PGBD5: variants seen among roughly 807,000 people sequenced by gnomAD.
PGBD5 encodes the protein piggyBac transposable element derived 5, also known as piggyBac transposable element-derived protein 5.
In PGBD5, 14 loss-of-function variants were observed where a neutral mutation model predicts 47.9. The observed-to-expected ratio is 0.29, with a 90% CI of 0.19 to 0.46. The LOEUF is 0.46. Ranked by LOEUF, PGBD5 falls within the 20% of genes least tolerant of loss-of-function variation. The pLI is 1.00. For synonymous variants in PGBD5, 316 were observed against 306.3 expected (o/e 1.03, Z -0.33); for missense variants, 635 against 716.0 (o/e 0.89, Z 1.29).
At chr1:230,333,113 ACC>A in intron 4 of PGBD5, 72 bp from the exon 5 acceptor site, 5 of 1,483,922 alleles carry the variant, frequency 3.4e-6, no homozygotes, top group Non-Finnish European at 4.6e-6. Context: ...CGCCCTGGGC[ACC>A]CCCAAGGAAA....
intron 1 of PGBD5, among the ~76,000 whole-genome samples, chr1:230,391,936 C>A (rs537007609): frequency 2.6e-5 from 4 of 152,250 alleles, no homozygotes; most frequent in East Asian, 1.9e-4. Flanking sequence ...CCCTTCTCCC[C>A]CAAAGGGAGC....
chr1:230,388,403 C>G (rs1274315593), intron 1 of PGBD5, among the ~76,000 whole-genome samples: 17 of 151,822 alleles, frequency 1.1e-4, no homozygotes, highest in Admixed American at 1.1e-3. Context: ...GCCACTTCCC[C>G]TTGTTGGCCA....
At chr1:230,375,107 C>G (rs1293226847) in intron 1 of PGBD5, among the ~76,000 whole-genome samples, 2 of 152,194 alleles carry the variant, frequency 1.3e-5, no homozygotes, top group Non-Finnish European at 2.9e-5. Flanking sequence ...AGAAAGCAGA[C>G]AAGCAAAAGC....
chr1:230,399,486 C>T (rs1657081857), intron 1 of PGBD5, among the ~76,000 whole-genome samples: 1 of 152,198 alleles, frequency 6.6e-6, no homozygotes, highest in Non-Finnish European at 1.5e-5. Context: ...TTCCAAAACC[C>T]TCCCATGGGT....
At chr1:230,364,179 G>A (rs149859293) in intron 1 of PGBD5, among the ~76,000 whole-genome samples, 1,917 of 152,320 alleles carry the variant, frequency 0.013, 22 homozygotes, top group Non-Finnish European at 0.017. Context: ...GGGTACTCCC[G>A]TGGGGGTAGG....
intron 1 of PGBD5, among the ~76,000 whole-genome samples, chr1:230,397,919 C>T (rs768296967): frequency 1.3e-5 from 2 of 152,236 alleles, no homozygotes; most frequent in South Asian, 2.1e-4. Flanking sequence ...GGCACAGACT[C>T]CTCTTGCTCA....
rs1013954732 is a variant in PGBD5 at position 230,317,832 on chromosome 1, A to C, written c.*5593T>G. 3 of 152,224 alleles carry C rather than the reference A, an allele frequency of 2.0e-5. No homozygotes were observed. The highest frequency in any genetic ancestry group is 4.4e-5 in the Non-Finnish European group (3 of 68,054). 9.4% of individuals were successfully genotyped at this position (152,224 alleles called of 1,614,324 possible). A position where few individuals can be genotyped will look rare whatever the true frequency, so the allele number is the denominator to read the frequency against. ...ACAAGGTCAAGCTTCCAGGCAACTAAGGAAAAAACCTGAAGAATAGTATCT... is the reference window on the plus strand; with the variant it reads ...ACAAGGTCAAGCTTCCAGGCAACTACGGAAAAAACCTGAAGAATAGTATCT... On this transcript the variant is annotated 3_prime_UTR_variant, in exon 7 of 7. Coordinates refer to ENST00000391860, the MANE Select transcript of PGBD5 (RefSeq NM_001258311.2).
At position 230,357,779 on chromosome 1, in the gene PGBD5, C is replaced by T. The variant is rs1667677442; in HGVS notation, c.332-458G>A. ...TCTTAACTAGAGATGTACACACACA[C>T]ATAAATGTATATGTTTAAATATATA... On this transcript the variant is annotated intron_variant, in intron 1 of 6. Coordinates refer to ENST00000391860, the MANE Select transcript of PGBD5 (RefSeq NM_001258311.2). The surrounding 1 kb of genome is among the most constrained non-coding windows in gnomAD (Gnocchi z 5.7). Among the ~76,000 whole-genome samples, 1 of 152,136 alleles carries T rather than the reference C, an allele frequency of 6.6e-6. No individual in the cohort carries two copies. Among genetic ancestry groups the T allele is most frequent in the South Asian group, 2.1e-4 (1 of 4,826 alleles).
intron 2 of PGBD5, among the ~76,000 whole-genome samples, chr1:230,353,184 C>T (rs1226790103): frequency 1.3e-5 from 2 of 152,128 alleles, no homozygotes; most frequent in African/African-American, 4.8e-5. Flanking sequence ...CCAGAAAAAC[C>T]ACTTGCTTCT....
rs1245145242 is a variant in PGBD5 at position 230,425,979 on chromosome 1, C to T, written c.-51G>A. ...GCCCCCACAGTGCCTCCCAGCCGCA[C>T]ACGCCGGGCCCTGGGCCCGCGCCGC... On this transcript the variant is annotated 5_prime_UTR_variant, in exon 1 of 7. It adds an upstream start codon to the 5' untranslated region. Coordinates refer to ENST00000391860, the MANE Select transcript of PGBD5 (RefSeq NM_001258311.2). The surrounding 1 kb of genome is among the most constrained non-coding windows in gnomAD (Gnocchi z 4.7). 5 of 885,008 alleles carry T rather than the reference C, an allele frequency of 5.6e-6. No homozygotes were observed. The highest frequency in any genetic ancestry group is 2.5e-4 in the East Asian group (2 of 8,084). The allele number at this position is 885,008 out of a possible 1,614,324, so 54.8% of individuals were successfully genotyped here.
chr1:230,357,332 A>G lies in PGBD5; in HGVS notation c.332-11T>C. On this transcript the variant is annotated splice_polypyrimidine_tract_variant and intron_variant, in intron 1 of 6. Transcript: ENST00000391860. The surrounding 1 kb of genome is among the most constrained non-coding windows in gnomAD (Gnocchi z 5.7). Reference sequence around the variant, plus strand: ...TCTTTCGGGTGGGACCTGAAACCCAAAGACAGGTGGAGTGTTCCTTAGGAC... The same window carrying G: ...TCTTTCGGGTGGGACCTGAAACCCAGAGACAGGTGGAGTGTTCCTTAGGAC... 2 of 1,611,200 alleles carry G rather than the reference A, an allele frequency of 1.2e-6. No individual in the cohort carries two copies. Among genetic ancestry groups the G allele is most frequent in the Non-Finnish European group, 1.7e-6 (2 of 1,178,256 alleles).
chr1:230,381,075 A>G (rs1452765277), intron 1 of PGBD5, among the ~76,000 whole-genome samples: 2 of 152,244 alleles, frequency 1.3e-5, no homozygotes, highest in Non-Finnish European at 2.9e-5. Context: ...CTGCTGTCAC[A>G]CACACTTCTG....
At chr1:230,371,603 T>C (rs1667930141) in intron 1 of PGBD5, among the ~76,000 whole-genome samples, 1 of 152,212 alleles carries the variant, frequency 6.6e-6, no homozygotes, top group African/African-American at 2.4e-5. Flanking sequence ...AAGAGTCAGA[T>C]TATCCCTTCT....
At chr1:230,359,708 G>A (rs4846949) in intron 1 of PGBD5, among the ~76,000 whole-genome samples, 48,081 of 152,012 alleles carry the variant, frequency 0.32, 7,692 homozygotes, top group Admixed American at 0.37. Flanking sequence ...ACCTCACCTG[G>A]TGCCTGGCCC....
intron 1 of PGBD5, among the ~76,000 whole-genome samples, chr1:230,396,260 C>T (rs371415885): frequency 0.069 from 672 of 9,728 alleles, 63 homozygotes; most frequent in Non-Finnish European, 0.093. Flanking sequence ...TACCCCCACA[C>T]TCCTCCTTTT....
intron 4 of PGBD5, among the ~76,000 whole-genome samples, chr1:230,336,610 A>C (rs1324888536): frequency 1.3e-5 from 2 of 152,180 alleles, no homozygotes; most frequent in African/African-American, 2.4e-5. Context: ...AGGCTTGCCC[A>C]GTCTTTGCCA....
chr1:230,333,011 C>T lies in PGBD5; in HGVS notation c.1106G>A (p.Arg369Gln), dbSNP rs1419404658. Residue 369 changes from arginine (R) to glutamine (Q), a missense_variant, in exon 5 of 7, where the codon CGG (arginine) becomes CAG (glutamine). Arg to Gln is a conservative substitution (Grantham distance 43, BLOSUM62 1). Coordinates refer to ENST00000391860, the MANE Select transcript of PGBD5 (RefSeq NM_001258311.2). ...TGGGAGGCCGGTGCAGTCACTCTTC[C>T]GCGCGCGGAGCAAGCCGCAGCAGTA... ...GIYCCGLLRARKSDCTGLPLS... is the reference protein window; with the variant it reads ...GIYCCGLLRAQKSDCTGLPLS... The T allele has an allele frequency of 1.1e-5, 17 of 1,607,956 alleles. No individual in the cohort carries two copies. In the Admixed American group the frequency reaches 1.9e-4, roughly 18 times the overall value.
intron 1 of PGBD5, chr1:230,368,087 G>A: frequency 1.5e-6 from 2 of 1,367,966 alleles, no homozygotes; most frequent in South Asian, 2.3e-5. Context: ...GGTTGCTTCT[G>A]ATTTTCCACG....
intron 1 of PGBD5, among the ~76,000 whole-genome samples, chr1:230,415,896 G>A (rs1657501439): frequency 6.6e-6 from 1 of 152,142 alleles, no homozygotes; most frequent in African/African-American, 2.4e-5. Context: ...CTTAATCAAA[G>A]GGACCAGTCT....
Sources: allele counts gnomAD v4.1 joint callset (sites outside exome capture counted in the v4.1 genomes callset), GRCh38; gene constraint gnomAD v4.1.1; non-coding constraint Gnocchi (gnomAD v3.1); transcripts MANE v1.5; gene names NCBI Gene and HGNC (gene_info 2026-07-23, HGNC 2026-07-21).